TERT: variants seen among roughly 807,000 people sequenced by gnomAD.
TERT encodes the protein telomerase reverse transcriptase.
Under a neutral mutation model 104.0 loss-of-function variants are expected in TERT, and 42 were observed. The observed-to-expected ratio is 0.40, with a 90% CI of 0.32 to 0.52. The LOEUF (loss-of-function observed/expected upper bound fraction) is 0.52, where lower values mean the gene tolerates loss of function less well. Ranked by LOEUF, TERT falls within the 20% of genes least tolerant of loss-of-function variation. The probability of loss-of-function intolerance (pLI) is 0.43; values close to 1 mark genes in which losing one functional copy is unlikely to be tolerated. For missense variants in TERT, 1,101 were observed against 1,610.3 expected, an observed-to-expected ratio of 0.68 and a Z score of 5.41; for synonymous variants, 781 against 725.6, an observed-to-expected ratio of 1.08 and a Z score of -1.23.
In TERT at chr5:1,269,538, G is replaced by C. The variant is rs576142980; in HGVS notation, c.2469-905C>G. ...AGGCAGGAGAAATGCTGGAACCCGG[G>C]AGGCGGAGGTTGCAGTGAGTTGAGA... On this transcript the variant is annotated intron_variant, in intron 8 of 15. Transcript: ENST00000310581. This position sits in a 1 kb window ranked among gnomAD's most constrained non-coding sequence, Gnocchi z 9.0. 6.6e-6 allele frequency among the ~76,000 whole-genome samples: 1 copy of C among 151,994 alleles called. No individual in the cohort carries two copies. Among genetic ancestry groups the C allele is most frequent in the South Asian group, 2.1e-4 (1 of 4,816 alleles).
At chr5:1,278,541 C>A in intron 6 of TERT, 100 bp downstream of exon 6, 1 of 1,525,310 alleles carries the variant, frequency 6.6e-7, no homozygotes, top group Non-Finnish European at 9.1e-7. Context: ...CATGGAAGTA[C>A]CTCCACCACA....
At position 1,292,075 on chromosome 5, in the gene TERT, C is replaced by T. The variant is rs1405585077; in HGVS notation, c.1573+1238G>A. Among the ~76,000 whole-genome samples the T allele has an allele frequency of 6.6e-6, 1 of 152,060 alleles. No homozygotes were observed. Among genetic ancestry groups the T allele is most frequent in the African/African-American group, 2.4e-5 (1 of 41,392 alleles). On this transcript the variant is annotated intron_variant, in intron 2 of 15. Transcript: ENST00000310581. This position sits in a 1 kb window ranked among gnomAD's most constrained non-coding sequence, Gnocchi z 5.5. ...GCAATTCTGCACTGTACACAGAAAA[C>T]GGTGTTAGGAGTGCCAATCTCATGT...
At position 1,293,860 on chromosome 5, in the gene TERT, C is replaced by G. The variant is rs2126686276; in HGVS notation, c.1026G>C (p.Arg342=). Residue 342 remains arginine (R), a synonymous_variant, in exon 2 of 16, where the codon CGG becomes CGC. Coordinates refer to ENST00000310581, the MANE Select transcript of TERT (RefSeq NM_198253.3). ...LYSSGDKEQL[R]PSFLLSSLRP... ...TCAGAGAGCTGAGTAGGAAGGAGGG[C>G]CGCAGCTGCTCCTTGTCGCCTGAGG... 4 of 1,546,368 alleles carry G rather than the reference C, an allele frequency of 2.6e-6. No homozygotes were observed. The highest frequency in any genetic ancestry group is 3.5e-6 in the Non-Finnish European group (4 of 1,146,990).
rs1227988757 is a variant in TERT at position 1,273,063 on chromosome 5, C to T, written c.2287-783G>A. ...TCACCACACATCAGACCCCTGTGAC[C>T]GATCACCATCCACAGTCACCACACA... On this transcript the variant is annotated intron_variant, in intron 6 of 15. Coordinates refer to ENST00000310581, the MANE Select transcript of TERT (RefSeq NM_198253.3). Among the ~76,000 whole-genome samples the T allele has an allele frequency of 9.8e-5, 11 of 112,360 alleles. 3 individuals are homozygous for T. Among genetic ancestry groups the T allele is most frequent in the African/African-American group, 3.4e-4 (9 of 26,186 alleles). 73.7% of individuals were successfully genotyped at this position (112,360 alleles called of 152,430 possible).
chr5:1,294,075 A>T lies in TERT; in HGVS notation c.811T>A (p.Cys271Ser). 6.3e-7 allele frequency: 1 copy of T among 1,591,858 alleles called. No homozygotes were observed. The highest frequency in any genetic ancestry group is 8.5e-7 in the Non-Finnish European group (1 of 1,171,618). Residue 271 changes from cysteine (C) to serine (S), a missense_variant, in exon 2 of 16, where the codon TGT (cysteine) becomes AGT (serine). Around this residue, in one of 5 missense-constraint regions of TERT, gnomAD observed 504 missense variants for 544.6 expected, o/e 0.93. Transcript: ENST00000310581. ...GCGGGTCTGGCAGGTGACACCACACAGAAACCACGGTCACTCGGTCCACGC... is the reference window on the plus strand; with the variant it reads ...GCGGGTCTGGCAGGTGACACCACACTGAAACCACGGTCACTCGGTCCACGC... ...RTRGPSDRGF[C>S]VVSPARPAEE... is the part of the protein sequence containing the mutation.
chr5:1,290,109 G>A (rs1417789698), intron 2 of TERT, among the ~76,000 whole-genome samples: 26 of 43,744 alleles, frequency 5.9e-4, no homozygotes, highest in South Asian at 9.1e-4. Context: ...CACTCACCCT[G>A]CACGTGACAG....
At chr5:1,266,667 A>G in intron 9 of TERT, 132 bp from the exon 10 acceptor site, 1 of 819,692 alleles carries the variant, frequency 1.2e-6, no homozygotes, top group South Asian at 1.5e-5. Context: ...GTTAAATGAA[A>G]AACTTAAATT....
In TERT at chr5:1,268,129, C is replaced by T. The variant is rs938714532; in HGVS notation, c.2582+391G>A. 6.6e-6 allele frequency among the ~76,000 whole-genome samples: 1 copy of T among 152,218 alleles called. No individual in the cohort carries two copies. Among genetic ancestry groups the T allele is most frequent in the African/African-American group, 2.4e-5 (1 of 41,456 alleles). ...CTGAAGAGGCGCCCAGTCCAGGCCACCTGTCGAGGGCCTGCTGGGAGATGT... is the reference window on the plus strand; with the variant it reads ...CTGAAGAGGCGCCCAGTCCAGGCCATCTGTCGAGGGCCTGCTGGGAGATGT... On this transcript the variant is annotated intron_variant, in intron 9 of 15. Coordinates refer to ENST00000310581, the MANE Select transcript of TERT (RefSeq NM_198253.3). This position sits in a 1 kb window ranked among gnomAD's most constrained non-coding sequence, Gnocchi z 5.5.
intron 13 of TERT, 100 bp downstream of exon 13, chr5:1,258,498 C>A: frequency 9.1e-7 from 1 of 1,100,060 alleles, no homozygotes; most frequent in Non-Finnish European, 1.3e-6. Context: ...ATTCCTTGCC[C>A]CTAAAACCCA....
At chr5:1,267,596 G>A (rs376829745) in intron 9 of TERT, among the ~76,000 whole-genome samples, 7 of 152,326 alleles carry the variant, frequency 4.6e-5, no homozygotes, top group African/African-American at 1.2e-4. Context: ...AATGTCCATC[G>A]ATGATAGACT....
Position 1,256,268 on chromosome 5 carries a change from C to G in TERT, c.3033-857G>C, listed in dbSNP as rs1025406192. On this transcript the variant is annotated intron_variant, in intron 13 of 15. Coordinates refer to ENST00000310581, the MANE Select transcript of TERT (RefSeq NM_198253.3). The surrounding 1 kb of genome is among the most constrained non-coding windows in gnomAD (Gnocchi z 7.0). ...GGCTCAAGGGATCCTCTCGCCTCGG[C>G]CTCCCAAAGTGCTGGGACTACAGGT... Among the ~76,000 whole-genome samples the G allele has an allele frequency of 1.3e-5, 2 of 152,168 alleles. No individual in the cohort carries two copies. Among genetic ancestry groups the G allele is most frequent in the African/African-American group, 4.8e-5 (2 of 41,428 alleles).
In TERT at chr5:1,265,396, C is replaced by T. The variant is rs1452907825; in HGVS notation, c.2655-804G>A. Among the ~76,000 whole-genome samples, 2 of 152,204 alleles carry T rather than the reference C, an allele frequency of 1.3e-5. No individual in the cohort carries two copies. The highest frequency in any genetic ancestry group is 2.9e-5 in the Non-Finnish European group (2 of 68,032). ...CTGCCGACTCATCAGAGACAGAGTT[C>T]TGCCCCCGGTGGGACCCCAACATAC... On this transcript the variant is annotated intron_variant, in intron 10 of 15. Transcript: ENST00000310581. This position sits in a 1 kb window ranked among gnomAD's most constrained non-coding sequence, Gnocchi z 6.9.
At chr5:1,259,134 G>C (rs1439458859) in intron 12 of TERT, among the ~76,000 whole-genome samples, 1 of 144,440 alleles carries the variant, frequency 6.9e-6, no homozygotes, top group Non-Finnish European at 1.5e-5. Context: ...GGGAGTGGAT[G>C]CAGATGCCCA....
chr5:1,264,251 A>C, intron 11 of TERT, 153 bp downstream of exon 11: 2 of 740,730 alleles, frequency 2.7e-6, no homozygotes, highest in Middle Eastern at 3.7e-4. Context: ...ATTTCTGCTC[A>C]GCCCCAGATG....
At position 1,262,315 on chromosome 5, in the gene TERT, G is replaced by A. The variant is rs1282343071; in HGVS notation, c.2844-1715C>T. ...TGTGCCACATACCACATTAACACACGTTTCTGAGAGATAGGGCTTCCGTTT... is the reference window on the plus strand; with the variant it reads ...TGTGCCACATACCACATTAACACACATTTCTGAGAGATAGGGCTTCCGTTT... On this transcript the variant is annotated intron_variant, in intron 11 of 15. Transcript: ENST00000310581. The surrounding 1 kb of genome is among the most constrained non-coding windows in gnomAD (Gnocchi z 5.6). Among the ~76,000 whole-genome samples the A allele has an allele frequency of 2.0e-5, 3 of 152,078 alleles. No homozygotes were observed. The East Asian group carries it at 5.8e-4, about 29-fold the overall frequency.
intron 6 of TERT, 37 bp from the exon 7 acceptor site, chr5:1,272,317 G>A (rs748243607): frequency 6.5e-7 from 1 of 1,545,268 alleles, no homozygotes; most frequent in East Asian, 2.3e-5. Flanking sequence ...CACAAATGTG[G>A]CCTGCCCCGG....
intron 2 of TERT, among the ~76,000 whole-genome samples, chr5:1,283,400 G>T (rs1750197353): frequency 7.4e-6 from 1 of 135,708 alleles, no homozygotes; most frequent in South Asian, 2.4e-4. Context: ...TCACAGCAGG[G>T]CCTGGCGACC....
In TERT at chr5:1,286,616, A is replaced by C. The variant is rs1750510318; in HGVS notation, c.1574-3992T>G. Among the ~76,000 whole-genome samples the C allele has an allele frequency of 6.6e-6, 1 of 152,134 alleles. No homozygotes were observed. Among genetic ancestry groups the C allele is most frequent in the Admixed American group, 6.5e-5 (1 of 15,272 alleles). ...AGGTATGCCGGGCACGGTGGCTTGC[A>C]CCTGTAATCCCAGCACTGTGGGAGG... On this transcript the variant is annotated intron_variant, in intron 2 of 15. Coordinates refer to ENST00000310581, the MANE Select transcript of TERT (RefSeq NM_198253.3). This position sits in a 1 kb window ranked among gnomAD's most constrained non-coding sequence, Gnocchi z 5.3.
intron 13 of TERT, among the ~76,000 whole-genome samples, chr5:1,258,355 T>C (rs1475140844): frequency 6.6e-6 from 1 of 152,266 alleles, no homozygotes; most frequent in Non-Finnish European, 1.5e-5. Flanking sequence ...CCACGGCCAG[T>C]GCACAGGCAC....
Sources: allele counts gnomAD v4.1 joint callset (sites outside exome capture counted in the v4.1 genomes callset), GRCh38; gene constraint gnomAD v4.1.1; regional missense constraint gnomAD v4.1.1; non-coding constraint Gnocchi (gnomAD v3.1); transcripts MANE v1.5; gene names NCBI Gene and HGNC (gene_info 2026-07-23, HGNC 2026-07-21).